DPH6: variants seen among roughly 807,000 people sequenced by gnomAD.
The protein encoded by DPH6 is diphthamine biosynthesis 6, also known as diphthine--ammonia ligase.
DPH6 carries 33 observed loss-of-function variants against 38.2 expected under a neutral mutation model. The ratio of observed to expected loss-of-function variants is 0.86; its 90% CI spans 0.65 to 1.15. The LOEUF (loss-of-function observed/expected upper bound fraction) is 1.15, where lower values mean the gene tolerates loss of function less well. Among genes scored for constraint, DPH6 ranks in the 50% most tolerant of loss-of-function variants. The probability of loss-of-function intolerance (pLI) is 0.00; values close to 1 mark genes in which losing one functional copy is unlikely to be tolerated. For synonymous variants in DPH6, 108 were observed against 103.0 expected (o/e 1.05, Z -0.30); for missense variants, 325 against 320.0 (o/e 1.02, Z -0.12).
intron 3 of DPH6, among the ~76,000 whole-genome samples, chr15:35,496,233 C>T (rs1050263337): frequency 5.9e-5 from 9 of 151,968 alleles, no homozygotes; most frequent in Admixed American, 2.6e-4. Context: ...TTACAATACA[C>T]GTATCTGAAA....
intron 5 of DPH6, among the ~76,000 whole-genome samples, chr15:35,433,407 A>G (rs1260622585): frequency 6.6e-6 from 1 of 152,186 alleles, no homozygotes; most frequent in East Asian, 1.9e-4. Flanking sequence ...GAAAGCCAAG[A>G]CTCCAGGCCT....
chr15:35,427,270 C>A (rs1436659102), intron 5 of DPH6, among the ~76,000 whole-genome samples: 1 of 151,836 alleles, frequency 6.6e-6, no homozygotes, highest in African/African-American at 2.4e-5. Flanking sequence ...AGAGCAATCT[C>A]CTAGGAGGAA....
intron 3 of DPH6, among the ~76,000 whole-genome samples, chr15:35,260,946 T>C (rs1005944543): frequency 1.3e-5 from 2 of 152,224 alleles, no homozygotes; most frequent in African/African-American, 4.8e-5. Flanking sequence ...AGTCTTTCCA[T>C]TTATTTTATG....
chr15:35,482,673 A>G (rs1232491042), intron 3 of DPH6, among the ~76,000 whole-genome samples: 3 of 152,206 alleles, frequency 2.0e-5, no homozygotes, highest in Non-Finnish European at 4.4e-5. Flanking sequence ...GCAAAATGAT[A>G]AATTTAAGCC....
At chr15:35,437,852 T>A (rs535746227) in intron 5 of DPH6, among the ~76,000 whole-genome samples, 2 of 152,366 alleles carry the variant, frequency 1.3e-5, no homozygotes, top group South Asian at 4.1e-4. Flanking sequence ...TCTGCCATTT[T>A]ACAATGGCAG....
intron 5 of DPH6, among the ~76,000 whole-genome samples, chr15:35,431,149 C>A (rs987983878): frequency 6.6e-6 from 1 of 152,034 alleles, no homozygotes; most frequent in Non-Finnish European, 1.5e-5. Context: ...CTTTGTCAAA[C>A]AGAAAAAGCG....
chr15:35,165,801 C>G, the DPH6 span, among the ~76,000 whole-genome samples: 1 of 151,852 alleles, frequency 6.6e-6, no homozygotes, highest in Non-Finnish European at 1.5e-5. Context: ...TTCTGAACAA[C>G]CGAAATTTCA....
intron 3 of DPH6, among the ~76,000 whole-genome samples, chr15:35,221,027 C>T (rs1275130014): frequency 6.6e-6 from 1 of 152,220 alleles, no homozygotes; most frequent in Non-Finnish European, 1.5e-5. Flanking sequence ...TCAAAACATG[C>T]TACAAGCTTC....
intron 3 of DPH6, among the ~76,000 whole-genome samples, chr15:35,466,977 C>T (rs2054134502): frequency 1.3e-5 from 2 of 151,964 alleles, no homozygotes; most frequent in Non-Finnish European, 2.9e-5. Context: ...TGAGTGAATA[C>T]AAAGGCCTAG....
chr15:35,387,780 A>G (rs142816739), intron 6 of DPH6, among the ~76,000 whole-genome samples: 50,286 of 151,946 alleles, frequency 0.33, 9,296 homozygotes, highest in African/African-American at 0.5. Flanking sequence ...CAATCATGTC[A>G]TCTGCAAACA....
chr15:35,388,284 G>T (rs1232226669), intron 6 of DPH6, among the ~76,000 whole-genome samples: 1 of 152,156 alleles, frequency 6.6e-6, no homozygotes, highest in Non-Finnish European at 1.5e-5. Context: ...GTTCATCAGG[G>T]ATATTGGTCT....
Position 35,436,230 on chromosome 15 carries a change from G to T in DPH6, c.505+14455C>A, listed in dbSNP as rs1298311283. 2.0e-5 allele frequency among the ~76,000 whole-genome samples: 3 copies of T among 152,056 alleles called. No individual in the cohort carries two copies. In the East Asian group the frequency reaches 5.9e-4, roughly 30 times the overall value. On this transcript the variant is annotated intron_variant, in intron 5 of 8. Coordinates refer to ENST00000256538, the MANE Select transcript of DPH6 (RefSeq NM_080650.4). ...GCCTGTAATCCCAGCACTTTGGGAG[G>T]CCAAGGCAGGCGGATCACGAGGTCA... is the stretch of plus-strand genomic sequence containing the variant.
exon 4 of DPH6, chr15:35,330,993 C>G (rs1050090736): frequency 6.6e-6 from 1 of 152,172 alleles, no homozygotes; most frequent in Non-Finnish European, 1.5e-5. Flanking sequence ...CATGCTTTCT[C>G]CACTGAATGA....
In DPH6 at chr15:35,436,623, T is replaced by C. The variant is rs2053719009; in HGVS notation, c.505+14062A>G. On this transcript the variant is annotated intron_variant, in intron 5 of 8. Transcript: ENST00000256538. ...CTCCTGTTGGAGAAATCCATTTGCA[T>C]AAGAATAAGAGGTTTCTTGCTCAGG... 3.3e-5 allele frequency among the ~76,000 whole-genome samples: 5 copies of C among 152,196 alleles called. No individual in the cohort carries two copies. In the South Asian group the frequency reaches 1.0e-3, roughly 32 times the overall value.
chr15:35,393,414 T>C (rs915841952), intron 6 of DPH6, among the ~76,000 whole-genome samples: 1 of 152,208 alleles, frequency 6.6e-6, no homozygotes, highest in African/African-American at 2.4e-5. Flanking sequence ...AAGTTTTATA[T>C]GACATGAGAA....
intron 3 of DPH6, among the ~76,000 whole-genome samples, chr15:35,525,563 G>A (rs1196790595): frequency 6.6e-6 from 1 of 152,092 alleles, no homozygotes; most frequent in African/African-American, 2.4e-5. Context: ...AGGCTACAAG[G>A]CTTTCTGAAA....
At chr15:35,315,261 G>C (rs1432299329) in intron 3 of DPH6, among the ~76,000 whole-genome samples, 1 of 152,152 alleles carries the variant, frequency 6.6e-6, no homozygotes, top group Non-Finnish European at 1.5e-5. Context: ...ACAACCTTTT[G>C]CAGGGAAAAT....
chr15:35,192,312 C>T, the DPH6 span, among the ~76,000 whole-genome samples: 7 of 152,172 alleles, frequency 4.6e-5, no homozygotes, highest in African/African-American at 9.6e-5. Context: ...GTTATGAAAA[C>T]GATAGAAAGC....
At position 35,390,736 on chromosome 15, in the gene DPH6, G is replaced by A. The variant is rs530029813; in HGVS notation, c.568-8820C>T. Among the ~76,000 whole-genome samples, 13 of 149,466 alleles carry A rather than the reference G, an allele frequency of 8.7e-5. No individual in the cohort carries two copies. In the East Asian group the frequency reaches 1.8e-3, roughly 21 times the overall value. On this transcript the variant is annotated intron_variant, in intron 6 of 8. Coordinates refer to ENST00000256538, the MANE Select transcript of DPH6 (RefSeq NM_080650.4). Reference sequence around the variant, plus strand: ...CTCTGCATTGGTTATTCTAGTTATCGATTTGTCTAATTTTTTTTCAAAGTT... The same window carrying A: ...CTCTGCATTGGTTATTCTAGTTATCAATTTGTCTAATTTTTTTTCAAAGTT...
Sources: allele counts gnomAD v4.1 joint callset (sites outside exome capture counted in the v4.1 genomes callset), GRCh38; gene constraint gnomAD v4.1.1; transcripts MANE v1.5; gene names NCBI Gene and HGNC (gene_info 2026-07-23, HGNC 2026-07-21).